The following CDH12 variants were observed in gnomAD, a reference collection of about 807,000 sequenced individuals.
CDH12 encodes cadherin-12.
Under a neutral mutation model 74.1 loss-of-function variants are expected in CDH12, and 41 were observed. That is an observed-to-expected ratio of 0.55 (90% confidence interval 0.43 to 0.72). CDH12 has a LOEUF of 0.72. Ranked by LOEUF, CDH12 falls within the 30% of genes least tolerant of loss-of-function variation. The pLI is 0.00. For missense variants in CDH12, 945 were observed against 977.2 expected, an observed-to-expected ratio of 0.97 and a Z score of 0.44; for synonymous variants, 399 against 355.0, an observed-to-expected ratio of 1.12 and a Z score of -1.39.
At chr5:21,793,855 T>C (rs978318654) in intron 10 of CDH12, among the ~76,000 whole-genome samples, 6 of 151,288 alleles carry the variant, frequency 4.0e-5, no homozygotes, top group African/African-American at 1.5e-4. Flanking sequence ...TGATCACTGA[T>C]TATTACAGTA....
Position 21,765,102 on chromosome 5 carries a change from G to A in CDH12, c.1394-3C>T. 6.4e-7 allele frequency: 1 copy of A among 1,550,574 alleles called. No homozygotes were observed. The highest frequency in any genetic ancestry group is 8.7e-7 in the Non-Finnish European group (1 of 1,151,430). Reference sequence around the variant, plus strand: ...TTTGCTGGTCAATAAAGGGTTACCTGTTAAAAACATATAAAGATAAAAGAT... The same window carrying A: ...TTTGCTGGTCAATAAAGGGTTACCTATTAAAAACATATAAAGATAAAAGAT... On this transcript the variant is annotated splice_polypyrimidine_tract_variant and splice_region_variant and intron_variant, in intron 11 of 14. Coordinates refer to ENST00000382254, the MANE Select transcript of CDH12 (RefSeq NM_004061.5).
chr5:22,767,606 GAA>G lies in CDH12; in HGVS notation c.-523+85450_-523+85451del, dbSNP rs903167667. On this transcript the variant is annotated intron_variant, in intron 1 of 14. Coordinates refer to ENST00000382254, the MANE Select transcript of CDH12 (RefSeq NM_004061.5). Reference sequence around the variant, plus strand: ...ATCAACAGGGCTTATGGTAGCTTTGGAATATTTATTTATGGATTTTTAATGTA... The same window carrying G: ...ATCAACAGGGCTTATGGTAGCTTTGGTATTTATTTATGGATTTTTAATGTA... Among the ~76,000 whole-genome samples, 43 of 151,862 alleles carry G rather than the reference GAA, an allele frequency of 2.8e-4. 1 individual carries two copies. The highest frequency in any genetic ancestry group is 9.2e-4 in the African/African-American group (38 of 41,472).
chr5:21,774,526 A>T (rs1344019960), intron 11 of CDH12: 1 of 152,130 alleles, frequency 6.6e-6, no homozygotes, highest in African/African-American at 2.4e-5. Context: ...CATTTCCCCT[A>T]ATAAACTCCT....
At chr5:22,571,621 C>A (rs1739545174) in intron 1 of CDH12, among the ~76,000 whole-genome samples, 1 of 152,220 alleles carries the variant, frequency 6.6e-6, no homozygotes, top group East Asian at 1.9e-4. Flanking sequence ...GCCAACGTGC[C>A]CGGCAATCAT....
intron 4 of CDH12, among the ~76,000 whole-genome samples, chr5:22,206,676 C>T: frequency 1.8e-5 from 1 of 56,202 alleles, no homozygotes; most frequent in African/African-American, 1.0e-4. Flanking sequence ...ATGGATTCCA[C>T]TGCAAAAAAA....
At chr5:21,909,574 T>G (rs1220112201) in intron 6 of CDH12, among the ~76,000 whole-genome samples, 1 of 152,146 alleles carries the variant, frequency 6.6e-6, no homozygotes, top group Non-Finnish European at 1.5e-5. Flanking sequence ...TCAAACCAAC[T>G]ACATTTCACC....
chr5:22,831,365 G>GTGTC lies in CDH12; in HGVS notation c.-523+21692_-523+21693insGACA, dbSNP rs753652631. Reference sequence around the variant, plus strand: ...GGTTTTGGAGTTTGTGTGTGTGTGTGTGTGTCTGTGTGTGTGTGTGTGTGT... The same window carrying GTGTC: ...GGTTTTGGAGTTTGTGTGTGTGTGTGTGTCTGTGTCTGTGTGTGTGTGTGTGTGT... On this transcript the variant is annotated intron_variant, in intron 1 of 14. Transcript: ENST00000382254. 2.8e-3 allele frequency among the ~76,000 whole-genome samples: 377 copies of GTGTC among 135,788 alleles called. 2 individuals are homozygous for GTGTC. Among genetic ancestry groups the GTGTC allele is most frequent in the South Asian group, 4.1e-3 (17 of 4,196 alleles). The allele number at this position is 135,788 out of a possible 152,430, so 89.1% of individuals were successfully genotyped here. A position where few individuals can be genotyped will look rare whatever the true frequency, so the allele number is the denominator to read the frequency against.
chr5:22,601,471 G>A (rs1430372271), intron 1 of CDH12, among the ~76,000 whole-genome samples: 3 of 152,020 alleles, frequency 2.0e-5, no homozygotes, highest in African/African-American at 7.2e-5. Context: ...TGACACTAAA[G>A]TACACATGTA....
chr5:21,934,661 T>C (rs114233183), intron 6 of CDH12, among the ~76,000 whole-genome samples: 2,421 of 152,312 alleles, frequency 0.016, 69 homozygotes, highest in African/African-American at 0.055. Context: ...GTCTGTGAGT[T>C]TATGTATACC....
intron 4 of CDH12, among the ~76,000 whole-genome samples, chr5:22,110,868 A>C (rs925058595): frequency 1.3e-5 from 2 of 152,144 alleles, no homozygotes; most frequent in Non-Finnish European, 2.9e-5. Flanking sequence ...TTTAAACTAT[A>C]AACTAAATGT....
At chr5:22,551,164 A>G (rs531660562) in intron 1 of CDH12, among the ~76,000 whole-genome samples, 10 of 152,168 alleles carry the variant, frequency 6.6e-5, no homozygotes, top group Non-Finnish European at 1.2e-4. Flanking sequence ...TGTCCTTATA[A>G]GAAAAGGGAG....
At chr5:22,575,808 G>A (rs929462579) in intron 1 of CDH12, among the ~76,000 whole-genome samples, 4 of 151,840 alleles carry the variant, frequency 2.6e-5, no homozygotes, top group South Asian at 2.1e-4. Flanking sequence ...CAAGCGATCC[G>A]CCTGCCTCAG....
intron 1 of CDH12, among the ~76,000 whole-genome samples, chr5:22,693,581 C>T (rs1485339908): frequency 1.3e-5 from 2 of 151,940 alleles, no homozygotes; most frequent in African/African-American, 2.4e-5. Context: ...GAACATTATT[C>T]GTAATGTTGT....
chr5:22,312,479 T>A (rs1561304035), intron 3 of CDH12, among the ~76,000 whole-genome samples: 1 of 152,204 alleles, frequency 6.6e-6, no homozygotes, highest in African/African-American at 2.4e-5. Context: ...TATAGTTTTT[T>A]ATTTGTTTTC....
chr5:21,924,502 G>T (rs1366810840), intron 6 of CDH12, among the ~76,000 whole-genome samples: 2 of 150,852 alleles, frequency 1.3e-5, no homozygotes, highest in African/African-American at 2.4e-5. Flanking sequence ...GGCAACAAGA[G>T]CCAAACTGCA....
rs549461271 is a variant in CDH12 at position 22,853,254 on chromosome 5, A to C, written c.-719T>G. On this transcript the variant is annotated 5_prime_UTR_variant, in exon 1 of 15. Coordinates refer to ENST00000382254, the MANE Select transcript of CDH12 (RefSeq NM_004061.5). ...CCAGGCCGGGCAGCCAGTAGACACC[A>C]CTTTCTTCCTGGAAGAGGCTGCCTC... is the stretch of plus-strand genomic sequence containing the variant. 1 of 152,316 alleles carries C rather than the reference A, an allele frequency of 6.6e-6. No homozygotes were observed. Among genetic ancestry groups the C allele is most frequent in the South Asian group, 2.1e-4 (1 of 4,820 alleles). The allele number at this position is 152,316 out of a possible 1,614,324, so 9.4% of individuals were successfully genotyped here.
At chr5:21,862,920 G>A (rs1015536735) in intron 6 of CDH12, among the ~76,000 whole-genome samples, 1 of 152,058 alleles carries the variant, frequency 6.6e-6, no homozygotes, top group African/African-American at 2.4e-5. Context: ...AATGAATCCT[G>A]TCTGCCTTCT....
chr5:22,826,084 C>G (rs1164854193), intron 1 of CDH12, among the ~76,000 whole-genome samples: 2 of 152,072 alleles, frequency 1.3e-5, no homozygotes, highest in African/African-American at 4.8e-5. Flanking sequence ...CTCTGAGTCC[C>G]CACCCAAATC....
intron 1 of CDH12, among the ~76,000 whole-genome samples, chr5:22,595,939 A>T (rs914062650): frequency 6.7e-6 from 1 of 149,686 alleles, no homozygotes; most frequent in Non-Finnish European, 1.5e-5. Context: ...AATAAAAATA[A>T]ATAAAAAAAA....
Sources: gnomAD v4.1 joint callset for allele counts (sites outside exome capture counted in the v4.1 genomes callset) on GRCh38, gnomAD v4.1.1 for gene constraint, MANE v1.5 for transcripts, NCBI Gene and HGNC (gene_info 2026-07-23, HGNC 2026-07-21) for gene names.